PMP22: variants seen among roughly 807,000 people sequenced by gnomAD.
PMP22 encodes peripheral myelin protein 22.
In PMP22, 2 loss-of-function variants were observed where a neutral mutation model predicts 18.9. The ratio of observed to expected loss-of-function variants is 0.11; its 90% CI spans 0.04 to 0.33. PMP22 has a LOEUF of 0.33. Ranked by LOEUF, PMP22 falls within the 10% of genes least tolerant of loss-of-function variation. The pLI is 1.00. For synonymous variants in PMP22, 95 were observed against 89.2 expected, an observed-to-expected ratio of 1.07 and a Z score of -0.37; for missense variants, 169 against 202.2, an observed-to-expected ratio of 0.84 and a Z score of 1.00.
intron 3 of PMP22, among the ~76,000 whole-genome samples, chr17:15,251,848 T>C (rs182353276): frequency 1.1e-3 from 168 of 151,658 alleles, no homozygotes; most frequent in Admixed American, 4.2e-3. Flanking sequence ...GGGGATACAA[T>C]TGAAGTTTTT....
chr17:15,230,259 A>G lies in PMP22; in HGVS notation c.*658T>C, dbSNP rs1906187000. 2 of 153,868 alleles carry G rather than the reference A, an allele frequency of 1.3e-5. No homozygotes were observed. Among genetic ancestry groups the G allele is most frequent in the South Asian group, 4.1e-4 (2 of 4,892 alleles). The allele number at this position is 153,868 out of a possible 1,614,324, so 9.5% of individuals were successfully genotyped here. ...AGCACCATTTCAAAGACTTGTTGTC[A>G]CTGATTTCTCATTTAGATGTGTGAC... On this transcript the variant is annotated 3_prime_UTR_variant, in exon 5 of 5. Coordinates refer to ENST00000312280, the MANE Select transcript of PMP22 (RefSeq NM_000304.4).
At chr17:15,256,477 C>T (rs1433904689) in intron 3 of PMP22, among the ~76,000 whole-genome samples, 1 of 152,094 alleles carries the variant, frequency 6.6e-6, no homozygotes. Context: ...CCCCTCTCTA[C>T]TAAAAATACA....
intron 3 of PMP22, among the ~76,000 whole-genome samples, chr17:15,242,274 A>G (rs948883463): frequency 6.6e-4 from 99 of 149,704 alleles, no homozygotes; most frequent in African/African-American, 1.5e-3. Flanking sequence ...AAAAAAAAAA[A>G]AGAGAGACAT....
Position 15,256,467 on chromosome 17 carries a change from C to T in PMP22, c.178+2627G>A, listed in dbSNP as rs140643102. Reference sequence around the variant, plus strand: ...GACCAGCCTGCCCAACATGATGAAACCCCTCTCTACTAAAAATACAAAAAT... The same window carrying T: ...GACCAGCCTGCCCAACATGATGAAATCCCTCTCTACTAAAAATACAAAAAT... On this transcript the variant is annotated intron_variant, in intron 3 of 4. Coordinates refer to ENST00000312280, the MANE Select transcript of PMP22 (RefSeq NM_000304.4). Among the ~76,000 whole-genome samples the T allele has an allele frequency of 4.2e-4, 64 of 152,230 alleles. 1 individual carries two copies. Among genetic ancestry groups the T allele is most frequent in the Non-Finnish European group, 8.7e-4 (59 of 68,016 alleles).
rs558689577 is a variant in PMP22, at chr17:15,260,927, G to C, written c.-34-166C>G. ...CCTTCGCGCCGCCTGCCGCCGAGAG[G>C]GGGCAGCAGCCGCCTGCAGGACCAG... On this transcript the variant is annotated intron_variant, in intron 1 of 4. Transcript: ENST00000312280. 1.0e-3 allele frequency: 426 copies of C among 410,560 alleles called. 6 individuals are homozygous for C. The East Asian group carries it at 0.017, about 16-fold the overall frequency. The allele number at this position is 410,560 out of a possible 1,614,324, so 25.4% of individuals were successfully genotyped here. A position where few individuals can be genotyped will look rare whatever the true frequency, so the allele number is the denominator to read the frequency against.
At chr17:15,257,492 C>G (rs1201339104) in intron 3 of PMP22, among the ~76,000 whole-genome samples, 1 of 152,188 alleles carries the variant, frequency 6.6e-6, no homozygotes, top group Non-Finnish European at 1.5e-5. Context: ...AAAGCCTGCC[C>G]TTTTCGGGCT....
At chr17:15,254,137 G>A (rs1428940246) in intron 3 of PMP22, among the ~76,000 whole-genome samples, 3 of 152,184 alleles carry the variant, frequency 2.0e-5, no homozygotes, top group African/African-American at 2.4e-5. Flanking sequence ...GATCATTCAG[G>A]TAGATTCCGA....
intron 2 of PMP22, among the ~76,000 whole-genome samples, chr17:15,259,439 C>T (rs1909117333): frequency 6.6e-6 from 1 of 152,108 alleles, no homozygotes; most frequent in East Asian, 1.9e-4. Flanking sequence ...ATGAACTCAA[C>T]CTTAGACACC....
chr17:15,243,471 G>T (rs1247213459), intron 3 of PMP22, among the ~76,000 whole-genome samples: 1 of 151,554 alleles, frequency 6.6e-6, no homozygotes, highest in Non-Finnish European at 1.5e-5. Context: ...AAAATTTGAA[G>T]TAAACACAAC....
chr17:15,242,764 C>T (rs1907461507), intron 3 of PMP22, among the ~76,000 whole-genome samples: 1 of 152,114 alleles, frequency 6.6e-6, no homozygotes, highest in Admixed American at 6.5e-5. Context: ...TATTTTCAAA[C>T]ACACATGGGA....
intron 3 of PMP22, among the ~76,000 whole-genome samples, chr17:15,251,205 G>T (rs1908310013): frequency 6.6e-6 from 1 of 152,090 alleles, no homozygotes; most frequent in Non-Finnish European, 1.5e-5. Flanking sequence ...CTAAATCTCA[G>T]ACCACATCAC....
intron 3 of PMP22, among the ~76,000 whole-genome samples, chr17:15,250,955 A>G (rs115550823): frequency 4.6e-5 from 7 of 152,244 alleles, no homozygotes; most frequent in Non-Finnish European, 1.0e-4. Context: ...CTCAACAGCC[A>G]GAATGAGCTT....
At chr17:15,259,234 G>A in intron 2 of PMP22, 41 bp from the exon 3 acceptor site, 3 of 1,507,630 alleles carry the variant, frequency 2.0e-6, no homozygotes, top group Non-Finnish European at 1.8e-6. Flanking sequence ...AGGGAGGGAG[G>A]GAGGAGTGAA....
chr17:15,262,078 C>T lies in PMP22; in HGVS notation c.-34-1317G>A, dbSNP rs144653515. On this transcript the variant is annotated intron_variant, in intron 1 of 4. Coordinates refer to ENST00000312280, the MANE Select transcript of PMP22 (RefSeq NM_000304.4). ...CAGGAGGCTGGGAACTGGGGAACCA[C>T]AGGAGTCCAACACTCTCGGGATGTC... Among the ~76,000 whole-genome samples the T allele has an allele frequency of 4.2e-3, 646 of 152,324 alleles. 7 individuals carry two copies. Among genetic ancestry groups the T allele is most frequent in the African/African-American group, 0.014 (595 of 41,574 alleles).
rs1907750880 is a variant in PMP22, at chr17:15,245,822, C to T, written c.179-6211G>A. Among the ~76,000 whole-genome samples, 3 of 151,166 alleles carry T rather than the reference C, an allele frequency of 2.0e-5. No individual in the cohort carries two copies. In the East Asian group the frequency reaches 5.9e-4, roughly 30 times the overall value. On this transcript the variant is annotated intron_variant, in intron 3 of 4. Coordinates refer to ENST00000312280, the MANE Select transcript of PMP22 (RefSeq NM_000304.4). ...GAGATCGAGACCATGCTGGCTAACA[C>T]AGTGAAAACCCGTCTCTACTAAAAA...
At position 15,239,466 on chromosome 17, in the gene PMP22, C is replaced by T; in HGVS notation, c.319+5G>A. 6.2e-7 allele frequency: 1 copy of T among 1,614,258 alleles called. No individual in the cohort carries two copies. The highest frequency in any genetic ancestry group is 8.5e-7 in the Non-Finnish European group (1 of 1,180,040). On this transcript the variant is annotated splice_donor_5th_base_variant and intron_variant, in intron 4 of 4. Transcript: ENST00000312280. ...TCCACATGGACTTTACCATCCACAA[C>T]TTACCAGCAAGAATTTGGAAGATTC...
intron 3 of PMP22, among the ~76,000 whole-genome samples, chr17:15,249,110 C>A (rs1908100008): frequency 6.6e-6 from 1 of 152,206 alleles, no homozygotes; most frequent in South Asian, 2.1e-4. Context: ...CTGCTACCCC[C>A]ACCAGTGACA....
chr17:15,246,947 G>T (rs1236438089), intron 3 of PMP22, among the ~76,000 whole-genome samples: 1 of 151,242 alleles, frequency 6.6e-6, no homozygotes, highest in Non-Finnish European at 1.5e-5. Flanking sequence ...GCATGTGCCT[G>T]TAATCCCAGC....
rs138171918 is a variant in PMP22 at position 15,231,111 on chromosome 17, G to A, written c.320-31C>T. 557 of 1,611,694 alleles carry A rather than the reference G, an allele frequency of 3.5e-4. 1 individual carries two copies. The African/African-American group carries it at 5.3e-3, about 15-fold the overall frequency. On this transcript the variant is annotated intron_variant, in intron 4 of 4. Transcript: ENST00000312280. Reference sequence around the variant, plus strand: ...GAAGGAGAGGGACAAGCTGGGTGACGGAGAGTCCATGGCAGAGCGGCCCCC... The same window carrying A: ...GAAGGAGAGGGACAAGCTGGGTGACAGAGAGTCCATGGCAGAGCGGCCCCC...
Sources: allele counts gnomAD v4.1 joint callset (sites outside exome capture counted in the v4.1 genomes callset), GRCh38; gene constraint gnomAD v4.1.1; transcripts MANE v1.5; gene names NCBI Gene and HGNC (gene_info 2026-07-23, HGNC 2026-07-21).